The following PRSS23 variants were observed in gnomAD, a reference collection of about 807,000 sequenced individuals.
PRSS23 encodes the protein protease, serine 23.
A neutral mutation model predicts 34.7 loss-of-function variants in PRSS23; 25 were observed. That is an observed-to-expected ratio of 0.72 (90% confidence interval 0.53 to 1.01). The LOEUF is 1.01. Among genes scored for constraint, PRSS23 ranks in the 50% least tolerant of loss-of-function variants. The pLI is 0.00. For synonymous variants in PRSS23, 176 were observed against 186.6 expected (o/e 0.94, Z 0.46); for missense variants, 445 against 475.6 (o/e 0.94, Z 0.60).
intron 2 of PRSS23, among the ~76,000 whole-genome samples, chr11:86,873,147 T>C (rs988517064): frequency 6.6e-6 from 1 of 151,146 alleles, no homozygotes; most frequent in Non-Finnish European, 1.5e-5. Context: ...CTTCTTTCAA[T>C]TGCAACCTTG....
chr11:86,797,212 C>T (rs909953812), upstream of PRSS23, among the ~76,000 whole-genome samples: 3 of 152,222 alleles, frequency 2.0e-5, no homozygotes, highest in Admixed American at 6.5e-5. Flanking sequence ...GTGAGGATTT[C>T]GGTTTTGGTT....
chr11:86,942,495 G>A (rs1039697392), intron 2 of PRSS23, among the ~76,000 whole-genome samples: 7 of 152,180 alleles, frequency 4.6e-5, no homozygotes, highest in African/African-American at 1.7e-4. Context: ...AAAGAGAAAG[G>A]CATTGATAAT....
At chr11:86,944,209 T>C (rs1055396615) in intron 2 of PRSS23, among the ~76,000 whole-genome samples, 1 of 151,920 alleles carries the variant, frequency 6.6e-6, no homozygotes, top group African/African-American at 2.4e-5. Flanking sequence ...CCAATCTCTG[T>C]GTCGGCCTTC....
chr11:86,915,378 G>GT (rs1018695737), intron 2 of PRSS23, among the ~76,000 whole-genome samples: 1 of 151,924 alleles, frequency 6.6e-6, no homozygotes, highest in Non-Finnish European at 1.5e-5. Context: ...ACTTGGGACA[G>GT]TTTTTTATCC....
chr11:86,795,728 T>C (rs1039762155), upstream of PRSS23, among the ~76,000 whole-genome samples: 1 of 152,116 alleles, frequency 6.6e-6, no homozygotes, highest in Non-Finnish European at 1.5e-5. Context: ...CTCTTTTCAC[T>C]CACTACACAG....
At chr11:86,845,552 T>C (rs1311403556) in intron 2 of PRSS23, among the ~76,000 whole-genome samples, 1 of 152,032 alleles carries the variant, frequency 6.6e-6, no homozygotes, top group Non-Finnish European at 1.5e-5. Flanking sequence ...TGAGAGGAGG[T>C]GCCAGCTGGG....
At chr11:86,850,435 C>G (rs1411799731) in intron 2 of PRSS23, among the ~76,000 whole-genome samples, 1 of 152,188 alleles carries the variant, frequency 6.6e-6, no homozygotes, top group African/African-American at 2.4e-5. Flanking sequence ...GAGGTGCCAG[C>G]TGGGCTTCCT....
intron 2 of PRSS23, among the ~76,000 whole-genome samples, chr11:86,874,069 G>A (rs1312946231): frequency 1.3e-5 from 2 of 152,222 alleles, no homozygotes; most frequent in Admixed American, 1.3e-4. Context: ...GAGAAGGCTG[G>A]GAGAGCCATC....
chr11:86,842,012 A>C (rs1948452394), intron 2 of PRSS23, among the ~76,000 whole-genome samples: 2 of 152,246 alleles, frequency 1.3e-5, no homozygotes, highest in South Asian at 4.1e-4. Context: ...TTTCTAACGA[A>C]CATCAATGAG....
intron 2 of PRSS23, chr11:86,832,653 G>A (rs1452602668): frequency 4.5e-6 from 2 of 440,888 alleles, no homozygotes; most frequent in African/African-American, 2.0e-5. Context: ...CCCTTTCTGG[G>A]GGAAGATGAC....
chr11:86,839,718 AG>A (rs1225015691), intron 2 of PRSS23, among the ~76,000 whole-genome samples: 2 of 151,948 alleles, frequency 1.3e-5, no homozygotes, highest in African/African-American at 4.8e-5. Context: ...CAAGCTACCC[AG>A]AAAGGAAAGT....
intron 1 of PRSS23, among the ~76,000 whole-genome samples, chr11:86,817,166 CTG>C (rs1218163676): frequency 1.3e-5 from 2 of 151,994 alleles, no homozygotes; most frequent in Non-Finnish European, 2.9e-5. Context: ...TGCCTTCTAA[CTG>C]TGGGCTTCTG....
At chr11:86,795,108 T>C (rs1297805835) in intron 1 of PRSS23, among the ~76,000 whole-genome samples, 3 of 152,210 alleles carry the variant, frequency 2.0e-5, no homozygotes, top group Non-Finnish European at 4.4e-5. Flanking sequence ...TTATAAAGTC[T>C]GGATTAAACT....
chr11:86,952,381 C>T lies in PRSS23; in HGVS notation c.*1096C>T, dbSNP rs202091546. 5 of 1,614,192 alleles carry T rather than the reference C, an allele frequency of 3.1e-6. No homozygotes were observed. In the Admixed American group the frequency reaches 8.3e-5, roughly 27 times the overall value. ...CCTTCAGGACGGGTTCACAGCGTCT[C>T]TTGACTGAAAGACACATGCCGCCGC... On this transcript the variant is annotated 3_prime_UTR_variant, in exon 3 of 3. Transcript: ENST00000533902.
At chr11:86,833,718 GC>G (rs760985104) in intron 2 of PRSS23, among the ~76,000 whole-genome samples, 10 of 152,252 alleles carry the variant, frequency 6.6e-5, no homozygotes, top group African/African-American at 9.6e-5. Context: ...TAAGTTGCAA[GC>G]CCCGTGTTTA....
At chr11:86,907,703 G>A (rs919889456) in intron 2 of PRSS23, among the ~76,000 whole-genome samples, 9 of 152,084 alleles carry the variant, frequency 5.9e-5, no homozygotes, top group East Asian at 1.9e-4. Flanking sequence ...GAAGTGATCC[G>A]CCTGCCTTAA....
chr11:86,819,445 C>G lies in PRSS23; in HGVS notation c.-11-3932C>G, dbSNP rs569576963. On this transcript the variant is annotated intron_variant, in intron 1 of 2. Transcript: ENST00000533902. ...ATAATTTATTAACTTAGTTTAGTCT[C>G]TCAATATTTAGCAAGTTTGTTTAAA... is the stretch of plus-strand genomic sequence containing the variant. Among the ~76,000 whole-genome samples the G allele has an allele frequency of 6.6e-5, 10 of 152,276 alleles. No individual in the cohort carries two copies. In the East Asian group the frequency reaches 7.7e-4, roughly 12 times the overall value.
rs768719925 is a variant in PRSS23 at position 86,808,672 on chromosome 11, C to T, written c.1029C>T (p.His343=). 29 of 1,614,094 alleles carry T rather than the reference C, an allele frequency of 1.8e-5. No individual in the cohort carries two copies. Among genetic ancestry groups the T allele is most frequent in the South Asian group, 1.2e-4 (11 of 91,076 alleles). Residue 343 remains histidine, a synonymous_variant, in exon 2 of 2, where the codon CAC becomes CAT. Coordinates refer to ENST00000280258, the MANE Select transcript of PRSS23 (RefSeq NM_007173.6). ...ERKIIGIFSG[H]QWVDMNGSPQ... ...AAATTATTGGCATTTTTTCAGGGCA[C>T]CAGTGGGTGGACATGAATGGTTCCC... is the stretch of plus-strand genomic sequence containing the variant.
intron 2 of PRSS23, among the ~76,000 whole-genome samples, chr11:86,842,495 G>C (rs1185365734): frequency 2.6e-5 from 4 of 152,006 alleles, no homozygotes; most frequent in Non-Finnish European, 5.9e-5. Context: ...GTCAAATTCT[G>C]TTTGCAGACG....
Sources: gnomAD v4.1 joint callset for allele counts (sites outside exome capture counted in the v4.1 genomes callset) on GRCh38, gnomAD v4.1.1 for gene constraint, MANE v1.5 for transcripts, NCBI Gene and HGNC (gene_info 2026-07-23, HGNC 2026-07-21) for gene names.